Variants in CYBRD1 observed in about 807,000 individuals in gnomAD.
CYBRD1 encodes the protein cytochrome b reductase 1, also known as plasma membrane ascorbate-dependent reductase CYBRD1.
Under a neutral mutation model 21.9 loss-of-function variants are expected in CYBRD1, and 14 were observed. That is an observed-to-expected ratio of 0.64 (90% CI 0.42 to 1.00). The LOEUF (loss-of-function observed/expected upper bound fraction) is 1.00. Ranked by LOEUF, CYBRD1 falls within the 50% of genes least tolerant of loss-of-function variation. CYBRD1 has a pLI of 0.00. For synonymous variants in CYBRD1, 146 were observed against 136.5 expected, an observed-to-expected ratio of 1.07 and a Z score of -0.48; for missense variants, 328 against 352.5, an observed-to-expected ratio of 0.93 and a Z score of 0.56.
At chr2:171,527,708 T>A in intron 1 of CYBRD1, among the ~76,000 whole-genome samples, 1 of 152,182 alleles carries the variant, frequency 6.6e-6, no homozygotes. Flanking sequence ...TCTGCATCAT[T>A]AAGTTTCTCC....
chr2:171,549,636 C>T (rs566302140), intron 2 of CYBRD1, among the ~76,000 whole-genome samples: 1 of 152,310 alleles, frequency 6.6e-6, no homozygotes, highest in East Asian at 1.9e-4. Context: ...TAGCTTTTGG[C>T]TTATTCCCTT....
intron 1 of CYBRD1, chr2:171,523,207 C>A (rs1383755522): frequency 1.6e-5 from 6 of 373,340 alleles, no homozygotes; most frequent in Non-Finnish European, 3.3e-5. Flanking sequence ...TTCGCCTCAG[C>A]CTTTTGCTGA....
At chr2:171,534,098 C>A (rs1161072174) in intron 1 of CYBRD1, among the ~76,000 whole-genome samples, 4 of 152,134 alleles carry the variant, frequency 2.6e-5, no homozygotes, top group African/African-American at 9.7e-5. Flanking sequence ...ACTTCTTCCT[C>A]CCTCCCTTTC....
At chr2:171,523,139 C>T (rs115283512) in intron 1 of CYBRD1, 45,047 of 322,116 alleles carry the variant, frequency 0.14, 3,650 homozygotes, top group Non-Finnish European at 0.18. Flanking sequence ...GCAGCCCACG[C>T]GCCCCGGAAA....
chr2:171,554,600 G>C lies in CYBRD1; in HGVS notation c.634G>C (p.Gly212Arg). Residue 212 changes from glycine to arginine, a missense_variant, in exon 4 of 4, where the codon GGG (glycine) becomes CGG (arginine). Gly to Arg is a moderately radical substitution (Grantham distance 125). Transcript: ENST00000321348. Reference sequence around the variant, plus strand: ...GCTTGGCCTTCTGATCCTGGTGTTCGGGGCCCTCATTTTTTGGATAGTCAC... The same window carrying C: ...GCTTGGCCTTCTGATCCTGGTGTTCCGGGCCCTCATTTTTTGGATAGTCAC... Reference protein sequence around the residue: ...NTLGLLILVFGALIFWIVTRP... With the variant: ...NTLGLLILVFRALIFWIVTRP... The C allele has an allele frequency of 1.2e-6, 2 of 1,613,930 alleles. No homozygotes were observed. The highest frequency in any genetic ancestry group is 1.7e-6 in the Non-Finnish European group (2 of 1,179,944).
chr2:171,547,069 T>C (rs1697727905), intron 2 of CYBRD1, among the ~76,000 whole-genome samples: 1 of 152,080 alleles, frequency 6.6e-6, no homozygotes, highest in Admixed American at 6.6e-5. Context: ...ATGTAAAGAA[T>C]GAGAGAGAGT....
At chr2:171,547,353 C>CA (rs2105343726) in intron 2 of CYBRD1, among the ~76,000 whole-genome samples, 1 of 151,318 alleles carries the variant, frequency 6.6e-6, no homozygotes, top group African/African-American at 2.4e-5. Flanking sequence ...GTAACTCAGT[C>CA]AAGAGGTTTG....
intron 1 of CYBRD1, among the ~76,000 whole-genome samples, chr2:171,540,137 T>A (rs1190119445): frequency 2.0e-5 from 3 of 152,114 alleles, no homozygotes; most frequent in Non-Finnish European, 4.4e-5. Context: ...TTAGTAGGAG[T>A]CTTCAAAATC....
chr2:171,536,206 T>C (rs1348522807), intron 1 of CYBRD1, among the ~76,000 whole-genome samples: 9 of 149,764 alleles, frequency 6.0e-5, no homozygotes. Flanking sequence ...TGGTGCGATC[T>C]CAGCTTACCT....
At chr2:171,547,170 G>A (rs944012261) in intron 2 of CYBRD1, among the ~76,000 whole-genome samples, 5 of 152,096 alleles carry the variant, frequency 3.3e-5, no homozygotes, top group Admixed American at 6.5e-5. Flanking sequence ...GGAGAGGGCT[G>A]GAGGAGTGTT....
At chr2:171,542,892 A>G (rs919008262) in intron 2 of CYBRD1, among the ~76,000 whole-genome samples, 2 of 152,186 alleles carry the variant, frequency 1.3e-5, no homozygotes, top group Non-Finnish European at 2.9e-5. Context: ...AAAAAAATAA[A>G]TAAATAAAAA....
At chr2:171,548,645 T>TAAAA (rs57266656) in intron 2 of CYBRD1, among the ~76,000 whole-genome samples, 23 of 89,944 alleles carry the variant, frequency 2.6e-4, no homozygotes, top group African/African-American at 8.1e-4. Context: ...ACCTGTACCC[T>TAAAA]AAAAAAAAAA....
At chr2:171,540,808 G>T (rs989131456) in intron 1 of CYBRD1, 8 of 115,704 alleles carry the variant, frequency 6.9e-5, no homozygotes, top group African/African-American at 3.0e-4. Context: ...TGTTGCCCAG[G>T]CTGGAGTGCA....
In CYBRD1 at chr2:171,557,904, A is replaced by G. The variant is rs1683516500; in HGVS notation, c.*3077A>G. On this transcript the variant is annotated 3_prime_UTR_variant, in exon 4 of 4. Transcript: ENST00000321348. ...CTTTTTTAGATAACTCCAGCAGGAA[A>G]CTGTAACTGCTATGTCTTTAGGAAA... The G allele has an allele frequency of 6.6e-6, 1 of 152,178 alleles. No individual in the cohort carries two copies. 9.4% of individuals were successfully genotyped at this position (152,178 alleles called of 1,614,324 possible).
In CYBRD1 at chr2:171,538,740, T is replaced by C. The variant is rs142858256; in HGVS notation, c.194-2845T>C. 9.4e-3 allele frequency among the ~76,000 whole-genome samples: 1,432 copies of C among 152,282 alleles called. 23 individuals carry two copies. Among genetic ancestry groups the C allele is most frequent in the African/African-American group, 0.029 (1,208 of 41,566 alleles). Reference sequence around the variant, plus strand: ...CTTTGTAGGTTTAGATGTGTTTCTGTCTGAAAAAGGAATAGATAATCCCTT... The same window carrying C: ...CTTTGTAGGTTTAGATGTGTTTCTGCCTGAAAAAGGAATAGATAATCCCTT... On this transcript the variant is annotated intron_variant, in intron 1 of 3. Coordinates refer to ENST00000321348, the MANE Select transcript of CYBRD1 (RefSeq NM_024843.4).
In CYBRD1 at chr2:171,542,666, C is replaced by A. The variant is rs181956969; in HGVS notation, c.402+873C>A. ...AGCTGAGACCAGTGGATCGCTTAAG[C>A]CCAGACGTTTGAGATCAGCTTGGGC... On this transcript the variant is annotated intron_variant, in intron 2 of 3. Coordinates refer to ENST00000321348, the MANE Select transcript of CYBRD1 (RefSeq NM_024843.4). Among the ~76,000 whole-genome samples, 140 of 152,250 alleles carry A rather than the reference C, an allele frequency of 9.2e-4. 1 individual carries two copies. The highest frequency in any genetic ancestry group is 3.0e-3 in the African/African-American group (123 of 41,550).
At position 171,522,753 on chromosome 2, in the gene CYBRD1, TG is replaced by T. The variant is rs553321272; in HGVS notation, c.193+22del. The T allele has an allele frequency of 8.1e-6, 13 of 1,612,282 alleles. No homozygotes were observed. The highest frequency in any genetic ancestry group is 1.3e-5 in the African/African-American group (1 of 74,696). The stretch of plus-strand genomic sequence containing the variant: ...CCAGGGCATCGGTACTGGCACCTCC[TG>T]GGGGGGTGCGGGGAGGAAAGCGGGG... On this transcript the variant is annotated intron_variant, in intron 1 of 3. Transcript: ENST00000321348. This position sits in a 1 kb window ranked among gnomAD's most constrained non-coding sequence, Gnocchi z 4.3.
In CYBRD1 at chr2:171,541,740, TACAGTCTGC is replaced by T; in HGVS notation, c.354_362del (p.Leu119_Ser121del). 6.2e-7 allele frequency: 1 copy of T among 1,613,982 alleles called. No individual in the cohort carries two copies. Among genetic ancestry groups the T allele is most frequent in the Non-Finnish European group, 8.5e-7 (1 of 1,180,036 alleles). On this transcript the variant is annotated inframe_deletion, in exon 2 of 4. Coordinates refer to ENST00000321348, the MANE Select transcript of CYBRD1 (RefSeq NM_024843.4). ...CAATGTTAACAATATAGCCAATATGTACAGTCTGCACAGCTGGGTTGGACTGATAGCTGT... is the reference window on the plus strand; with the variant it reads ...CAATGTTAACAATATAGCCAATATGTACAGCTGGGTTGGACTGATAGCTGT...
intron 1 of CYBRD1, among the ~76,000 whole-genome samples, chr2:171,525,328 C>T (rs913179617): frequency 5.4e-4 from 82 of 152,180 alleles, no homozygotes; most frequent in African/African-American, 1.9e-3. Flanking sequence ...TGTTTGGATC[C>T]TGGATGTGCA....
Sources: gnomAD v4.1 joint callset for allele counts (sites outside exome capture counted in the v4.1 genomes callset) on GRCh38, gnomAD v4.1.1 for gene constraint, Gnocchi (gnomAD v3.1) non-coding constraint, MANE v1.5 for transcripts, NCBI Gene and HGNC (gene_info 2026-07-23, HGNC 2026-07-21) for gene names.